MAPKBP1: variants seen among roughly 807,000 people sequenced by gnomAD.
MAPKBP1 encodes mitogen-activated protein kinase-binding protein 1.
Under a neutral mutation model 170.5 loss-of-function variants are expected in MAPKBP1, and 71 were observed. The observed-to-expected ratio is 0.42, with a 90% confidence interval of 0.34 to 0.51. The LOEUF is 0.51. Ranked by LOEUF, MAPKBP1 falls within the 20% of genes least tolerant of loss-of-function variation. The probability of loss-of-function intolerance (pLI) is 0.06; values close to 1 mark genes in which losing one functional copy is unlikely to be tolerated. For synonymous variants in MAPKBP1, 719 were observed against 757.9 expected, an observed-to-expected ratio of 0.95 and a Z score of 0.84; for missense variants, 1,598 against 1,933.0, an observed-to-expected ratio of 0.83 and a Z score of 3.25.
At chr15:41,813,209 TC>T in intron 8 of MAPKBP1, 108 bp downstream of exon 8, 1 of 1,525,292 alleles carries the variant, frequency 6.6e-7, no homozygotes, top group Non-Finnish European at 9.0e-7. Flanking sequence ...ATACGGGAGA[TC>T]CCAGGAGAAC....
chr15:41,816,775 G>A (rs1209125458), intron 13 of MAPKBP1, 125 bp downstream of exon 13: 6 of 1,465,146 alleles, frequency 4.1e-6, no homozygotes, highest in Admixed American at 3.5e-5. Flanking sequence ...TGGTTTAGAG[G>A]AAGACAGCTC....
rs2064857804 is a variant in MAPKBP1 at position 41,814,540 on chromosome 15, C to G, written c.981-10C>G. 6.2e-7 allele frequency: 1 copy of G among 1,613,096 alleles called. No homozygotes were observed. Among genetic ancestry groups the G allele is most frequent in the Non-Finnish European group, 8.5e-7 (1 of 1,179,422 alleles). ...CAGTCTGACCAGTGTGCCCTGTCCT[C>G]TCCCTACAGTCGCCTCTTCTCTGGA... is the stretch of plus-strand genomic sequence containing the variant. On this transcript the variant is annotated splice_polypyrimidine_tract_variant and intron_variant, in intron 9 of 30. Transcript: ENST00000457542.
chr15:41,814,766 G>T, intron 10 of MAPKBP1, 27 bp downstream of exon 10: 3 of 1,611,512 alleles, frequency 1.9e-6, no homozygotes, highest in Middle Eastern at 1.7e-4. Context: ...GCTGGCTGGA[G>T]ACTGGCCAGG....
chr15:41,824,606 C>T lies in MAPKBP1; in HGVS notation c.4299+37C>T, dbSNP rs779123400. The T allele has an allele frequency of 9.7e-6, 15 of 1,538,828 alleles. No homozygotes were observed. In the Admixed American group the frequency reaches 1.1e-4, roughly 12 times the overall value. On this transcript the variant is annotated intron_variant, in intron 30 of 30. Coordinates refer to ENST00000457542, the MANE Select transcript of MAPKBP1 (RefSeq NM_014994.3). ...GTGCCCCCCGGCAGGAAGGCGGGCA[C>T]GTCAGTAGTGCTGGGTGTTTCGGAT...
intron 3 of MAPKBP1, among the ~76,000 whole-genome samples, chr15:41,807,815 A>G (rs2064725947): frequency 6.6e-6 from 1 of 152,186 alleles, no homozygotes; most frequent in South Asian, 2.1e-4. Context: ...AGGTGGGTGG[A>G]TCACCTGAGG....
intron 3 of MAPKBP1, among the ~76,000 whole-genome samples, chr15:41,808,924 G>T (rs916151073): frequency 2.6e-5 from 4 of 151,754 alleles, no homozygotes; most frequent in Admixed American, 2.0e-4. Context: ...AAATTAACTG[G>T]GTATGGTGGC....
Position 41,819,266 on chromosome 15 carries a change from T to C in MAPKBP1, c.2312T>C (p.Leu771Pro). ...GPNRHQAPSM[L>P]SPGPALSSDS... ...CTCAGGCACCAGGCCCCATCAATGC[T>C]GTCTCCTGGACCGGCTCTCTCATCA... is the stretch of plus-strand genomic sequence containing the variant. Residue 771 changes from leucine (L) to proline (P), a missense_variant, in exon 21 of 31, where the codon CTG becomes CCG. Leu to Pro is a moderately conservative substitution (Grantham distance 98). Transcript: ENST00000457542. The C allele has an allele frequency of 1.2e-6, 2 of 1,614,146 alleles. No individual in the cohort carries two copies. Among genetic ancestry groups the C allele is most frequent in the African/African-American group, 1.3e-5 (1 of 75,038 alleles).
chr15:41,793,029 C>G (rs1014940601), intron 2 of MAPKBP1, among the ~76,000 whole-genome samples: 1 of 152,062 alleles, frequency 6.6e-6, no homozygotes, highest in African/African-American at 2.4e-5. Flanking sequence ...TCTTCGCATA[C>G]TTCCACTAGA....
Position 41,827,809 on chromosome 15 carries a change from G to A in MAPKBP1, c.*2373G>A, listed in dbSNP as rs1684472401. The A allele has an allele frequency of 3.2e-6, 1 of 307,780 alleles. No individual in the cohort carries two copies. Among genetic ancestry groups the A allele is most frequent in the Non-Finnish European group, 6.0e-6 (1 of 167,496 alleles). The allele number at this position is 307,780 out of a possible 1,614,324, so 19.1% of individuals were successfully genotyped here. On this transcript the variant is annotated 3_prime_UTR_variant, in exon 31 of 31. Coordinates refer to ENST00000457542, the MANE Select transcript of MAPKBP1 (RefSeq NM_014994.3). ...CGGGGGCGCTGTTTTTAACGTGCCC[G>A]TTTGTACTGATGTATGAACTTGTCA...
Position 41,818,295 on chromosome 15 carries a change from T to C in MAPKBP1, c.2082T>C (p.Phe694=), listed in dbSNP as rs113015793. The C allele has an allele frequency of 1.1e-4, 176 of 1,613,974 alleles. No individual in the cohort carries two copies. In the African/African-American group the frequency reaches 2.0e-3, roughly 18 times the overall value. ...FSSGECVATM[F]GHSEIVTGMK... Reference sequence around the variant, plus strand: ...CAGGCGAGTGCGTGGCCACCATGTTTGGCCACTCAGGTGAGTGTAGCCTGA... The same window carrying C: ...CAGGCGAGTGCGTGGCCACCATGTTCGGCCACTCAGGTGAGTGTAGCCTGA... Residue 694 remains phenylalanine, a synonymous_variant, in exon 18 of 31, where the codon TTT becomes TTC. Transcript: ENST00000457542. This position sits in a 1 kb window ranked among gnomAD's most constrained non-coding sequence, Gnocchi z 5.2.
At chr15:41,781,985 A>G (rs1361479267) in intron 2 of MAPKBP1, among the ~76,000 whole-genome samples, 2 of 151,624 alleles carry the variant, frequency 1.3e-5, no homozygotes, top group Non-Finnish European at 2.9e-5. Context: ...GCAGTGGCTC[A>G]TGCCTGTAAT....
In MAPKBP1 at chr15:41,814,630, C is replaced by T; in HGVS notation, c.1061C>T (p.Ser354Phe). ...LTFDPTNQWL[S>F]CVYNDHSIYV... ...TTTGATCCTACTAATCAGTGGCTGT[C>T]TTGTGTGTACAACGATCATAGCATT... Residue 354 changes from serine to phenylalanine, a missense_variant, in exon 10 of 31, where the codon TCT becomes TTT. This residue lies in a region of MAPKBP1 where 430 missense variants were observed against 617.2 expected (regional missense o/e 0.70). Transcript: ENST00000457542. 1 of 1,614,168 alleles carries T rather than the reference C, an allele frequency of 6.2e-7. No individual in the cohort carries two copies. Among genetic ancestry groups the T allele is most frequent in the Non-Finnish European group, 8.5e-7 (1 of 1,180,040 alleles).
intron 27 of MAPKBP1, 89 bp from the exon 28 acceptor site, chr15:41,822,850 A>C (rs1224328564): frequency 4.0e-6 from 6 of 1,508,318 alleles, no homozygotes; most frequent in Admixed American, 3.6e-5. Context: ...GTTCTCTCCT[A>C]GTGCCCTGGT....
At chr15:41,809,125 G>A (rs1007132655) in intron 3 of MAPKBP1, among the ~76,000 whole-genome samples, 1 of 151,538 alleles carries the variant, frequency 6.6e-6, no homozygotes, top group African/African-American at 2.4e-5. Context: ...GCATGAGCCT[G>A]TAATCCCAGC....
chr15:41,810,811 C>T, intron 3 of MAPKBP1, 72 bp from the exon 4 acceptor site: 1 of 1,315,686 alleles, frequency 7.6e-7, no homozygotes, highest in East Asian at 2.3e-5. Context: ...GACTGGAAGT[C>T]CTGGGTGGCC....
In MAPKBP1 at chr15:41,818,057, A is replaced by T. The variant is rs751072479; in HGVS notation, c.1953A>T (p.Ser651=). ...AGCAGAAGAAGCTGTTTAAAGGGTC[A>T]CAGGGTGAGGACGGCACACTCATTA... ...SGKQKKLFKG[S]QGEDGTLIKV... is the part of the protein sequence containing the mutation. Residue 651 remains serine, a synonymous_variant, in exon 17 of 31, where the codon TCA becomes TCT. Coordinates refer to ENST00000457542, the MANE Select transcript of MAPKBP1 (RefSeq NM_014994.3). The surrounding 1 kb of genome is among the most constrained non-coding windows in gnomAD (Gnocchi z 5.2). 1 of 1,614,200 alleles carries T rather than the reference A, an allele frequency of 6.2e-7. No homozygotes were observed. Among genetic ancestry groups the T allele is most frequent in the Non-Finnish European group, 8.5e-7 (1 of 1,180,018 alleles).
rs549165773 is a variant in MAPKBP1 at position 41,782,025 on chromosome 15, G to A, written c.114+6636G>A. 2.8e-3 allele frequency among the ~76,000 whole-genome samples: 414 copies of A among 149,984 alleles called. 2 individuals carry two copies. The highest frequency in any genetic ancestry group is 9.9e-3 in the African/African-American group (401 of 40,642). The stretch of plus-strand genomic sequence containing the variant: ...GCATTTTGGGAGGCCGAGGCGGGCG[G>A]ATCATGAGGTCAGGAGATCGAGACC... On this transcript the variant is annotated intron_variant, in intron 2 of 30. Transcript: ENST00000457542.
intron 2 of MAPKBP1, among the ~76,000 whole-genome samples, chr15:41,798,249 C>CAA (rs1241108889): frequency 1.6e-4 from 9 of 56,920 alleles, no homozygotes; most frequent in African/African-American, 2.9e-4. Context: ...GACTCTGTCT[C>CAA]AAAAAAAAAA....
At chr15:41,810,568 A>T in intron 3 of MAPKBP1, 3 of 295,828 alleles carry the variant, frequency 1.0e-5, no homozygotes, top group Non-Finnish European at 1.2e-5. Context: ...AAAAATACAA[A>T]GATTAGCTTG....
Sources: allele counts gnomAD v4.1 joint callset (sites outside exome capture counted in the v4.1 genomes callset), GRCh38; gene constraint gnomAD v4.1.1; regional missense constraint gnomAD v4.1.1; non-coding constraint Gnocchi (gnomAD v3.1); transcripts MANE v1.5; gene names NCBI Gene and HGNC (gene_info 2026-07-23, HGNC 2026-07-21).